TTC7B: variants seen among roughly 807,000 people sequenced by gnomAD.
TTC7B encodes the protein tetratricopeptide repeat domain 7B, also known as tetratricopeptide repeat protein 7B.
A neutral mutation model predicts 106.8 loss-of-function variants in TTC7B; 28 were observed. The observed-to-expected ratio is 0.26, with a 90% CI of 0.19 to 0.36. The LOEUF (loss-of-function observed/expected upper bound fraction) is 0.36, where lower values mean the gene tolerates loss of function less well. Ranked by LOEUF, TTC7B falls within the 10% of genes least tolerant of loss-of-function variation. The pLI is 1.00. For synonymous variants in TTC7B, 405 were observed against 430.6 expected (o/e 0.94, Z 0.74); for missense variants, 862 against 1,076.4 (o/e 0.80, Z 2.79).
Position 90,722,608 on chromosome 14 carries a change from A to G in TTC7B, c.698+7467T>C, listed in dbSNP as rs115056972. Among the ~76,000 whole-genome samples the G allele has an allele frequency of 3.0e-3, 460 of 152,302 alleles. 4 individuals carry two copies. The highest frequency in any genetic ancestry group is 0.01 in the African/African-American group (432 of 41,562). ...AACATTTCTAGGAAGTGGCCTGTAT[A>G]CAGAGCTGCAATTCATCCTGTATCA... On this transcript the variant is annotated intron_variant, in intron 5 of 19. Transcript: ENST00000328459.
intron 19 of TTC7B, among the ~76,000 whole-genome samples, chr14:90,561,083 G>GTGTGGT (rs1190564636): frequency 6.6e-6 from 1 of 152,220 alleles, no homozygotes; most frequent in Non-Finnish European, 1.5e-5. Context: ...CTTTGGTTCT[G>GTGTGGT]GCCCCATGCA....
At chr14:90,542,100 C>A (rs577995645) in intron 19 of TTC7B, among the ~76,000 whole-genome samples, 17 of 152,192 alleles carry the variant, frequency 1.1e-4, no homozygotes, top group Admixed American at 9.2e-4. Flanking sequence ...CCACCACGCC[C>A]GGCTAATTTT....
intron 17 of TTC7B, chr14:90,602,342 G>C: frequency 2.5e-6 from 1 of 407,368 alleles, no homozygotes; most frequent in Non-Finnish European, 5.0e-6. Context: ...TGACCAAAGA[G>C]AATCAGTGGT....
chr14:90,645,681 G>T (rs1238531532), intron 14 of TTC7B, among the ~76,000 whole-genome samples: 1 of 152,212 alleles, frequency 6.6e-6, no homozygotes, highest in Non-Finnish European at 1.5e-5. Context: ...GCATGATGTT[G>T]ATTTGCAGGG....
At chr14:90,711,901 A>C (rs190429305) in intron 5 of TTC7B, among the ~76,000 whole-genome samples, 2 of 152,332 alleles carry the variant, frequency 1.3e-5, no homozygotes, top group Admixed American at 1.3e-4. Context: ...AAATCCAATC[A>C]TATCAATAGT....
chr14:90,704,174 A>C (rs561201192), intron 5 of TTC7B, among the ~76,000 whole-genome samples: 75 of 152,320 alleles, frequency 4.9e-4, no homozygotes, highest in Admixed American at 2.5e-3. Context: ...AAACACGTGA[A>C]TCCTCCGCCT....
chr14:90,534,202 G>A lies in TTC7B; in HGVS notation c.*7166C>T, dbSNP rs1223526442. 2 of 152,336 alleles carry A rather than the reference G, an allele frequency of 1.3e-5. No individual in the cohort carries two copies. Among genetic ancestry groups the A allele is most frequent in the Admixed American group, 1.3e-4 (2 of 15,290 alleles). The allele number at this position is 152,336 out of a possible 1,614,324, so 9.4% of individuals were successfully genotyped here. On this transcript the variant is annotated 3_prime_UTR_variant, in exon 20 of 20. Coordinates refer to ENST00000328459, the MANE Select transcript of TTC7B (RefSeq NM_001010854.2). ...CACATTCCTGTCTGAAATGGTGCAGGATGTCCTTTTTCTGTTCCTATCTGG... is the reference window on the plus strand; with the variant it reads ...CACATTCCTGTCTGAAATGGTGCAGAATGTCCTTTTTCTGTTCCTATCTGG...
chr14:90,758,136 G>GA (rs1890366299), intron 3 of TTC7B, among the ~76,000 whole-genome samples: 1 of 151,678 alleles, frequency 6.6e-6, no homozygotes, highest in Non-Finnish European at 1.5e-5. Context: ...GGTTAATCAA[G>GA]AGAGTTGGCA....
intron 1 of TTC7B, among the ~76,000 whole-genome samples, chr14:90,804,211 G>T (rs1446374910): frequency 6.6e-6 from 1 of 152,108 alleles, no homozygotes; most frequent in Non-Finnish European, 1.5e-5. Flanking sequence ...GGGGGCGCCT[G>T]TAGTCCCAGC....
At chr14:90,554,578 T>A (rs1004489574) in intron 19 of TTC7B, among the ~76,000 whole-genome samples, 1 of 152,320 alleles carries the variant, frequency 6.6e-6, no homozygotes, top group Non-Finnish European at 1.5e-5. Context: ...GCACAGGCTG[T>A]CACTCGAGCC....
Position 90,600,677 on chromosome 14 carries a change from C to G in TTC7B, c.1967-7051G>C, listed in dbSNP as rs925340010. Among the ~76,000 whole-genome samples, 2 of 152,192 alleles carry G rather than the reference C, an allele frequency of 1.3e-5. No individual in the cohort carries two copies. The highest frequency in any genetic ancestry group is 4.8e-5 in the African/African-American group (2 of 41,456). ...AGGGAGGGCCGGGGACATGTCATCA[C>G]CGGTGGGCATGCGGGGCTAGCGCAG... On this transcript the variant is annotated intron_variant, in intron 17 of 19. Coordinates refer to ENST00000328459, the MANE Select transcript of TTC7B (RefSeq NM_001010854.2). This position sits in a 1 kb window ranked among gnomAD's most constrained non-coding sequence, Gnocchi z 4.3.
chr14:90,655,271 C>T (rs962215571), intron 11 of TTC7B, among the ~76,000 whole-genome samples, 161 bp from the exon 12 acceptor site: 4 of 152,216 alleles, frequency 2.6e-5, no homozygotes, highest in Non-Finnish European at 4.4e-5. Flanking sequence ...CTTTCTTGAG[C>T]TCTCTAACAG....
chr14:90,677,348 T>A (rs1886881828), intron 8 of TTC7B, among the ~76,000 whole-genome samples: 1 of 152,254 alleles, frequency 6.6e-6, no homozygotes, highest in African/African-American at 2.4e-5. Flanking sequence ...CAATTTTCTA[T>A]GCTTAGCACA....
rs1270181461 is a variant in TTC7B at position 90,816,376 on chromosome 14, C to T, written c.-81G>A. On this transcript the variant is annotated 5_prime_UTR_variant, in exon 1 of 20. Coordinates refer to ENST00000328459, the MANE Select transcript of TTC7B (RefSeq NM_001010854.2). ...GCGCCCCCTCGCCGCCTCCCGCCGC[C>T]GCCGCGGGCTCGGGCTCCGGCTCCC... The T allele has an allele frequency of 1.2e-6, 1 of 809,170 alleles. No homozygotes were observed. The highest frequency in any genetic ancestry group is 1.5e-6 in the Non-Finnish European group (1 of 672,452). 50.1% of individuals were successfully genotyped at this position (809,170 alleles called of 1,614,324 possible).
chr14:90,715,519 G>A (rs1202786914), intron 5 of TTC7B, among the ~76,000 whole-genome samples: 1 of 152,092 alleles, frequency 6.6e-6, no homozygotes, highest in African/African-American at 2.4e-5. Flanking sequence ...ATGATAATGT[G>A]TTCAAAGCAC....
At chr14:90,615,404 A>G (rs1893029013) in intron 16 of TTC7B, among the ~76,000 whole-genome samples, 1 of 152,332 alleles carries the variant, frequency 6.6e-6, no homozygotes, top group East Asian at 1.9e-4. Flanking sequence ...CAGCATGCTC[A>G]GAAGCAAGGA....
intron 4 of TTC7B, among the ~76,000 whole-genome samples, chr14:90,738,012 A>G (rs988318165): frequency 6.6e-6 from 1 of 152,208 alleles, no homozygotes; most frequent in African/African-American, 2.4e-5. Flanking sequence ...CTAGAATTAA[A>G]TATTGGTGAT....
intron 19 of TTC7B, among the ~76,000 whole-genome samples, chr14:90,563,175 C>A (rs1273273955): frequency 1.3e-5 from 2 of 152,084 alleles, no homozygotes; most frequent in Non-Finnish European, 2.9e-5. Context: ...TCCAACAATC[C>A]TAGGAGGCTG....
intron 4 of TTC7B, among the ~76,000 whole-genome samples, chr14:90,731,163 G>A (rs1486183031): frequency 2.0e-5 from 3 of 152,050 alleles, no homozygotes; most frequent in African/African-American, 7.2e-5. Context: ...ACGTTAGCCA[G>A]GATGGTCTCG....
Sources: allele counts gnomAD v4.1 joint callset (sites outside exome capture counted in the v4.1 genomes callset), GRCh38; gene constraint gnomAD v4.1.1; non-coding constraint Gnocchi (gnomAD v3.1); transcripts MANE v1.5; gene names NCBI Gene and HGNC (gene_info 2026-07-23, HGNC 2026-07-21).